BANK1: variants seen among roughly 807,000 people sequenced by gnomAD.
The protein encoded by BANK1 is B-cell scaffold protein with ankyrin repeats.
BANK1 carries 95 observed loss-of-function variants against 94.5 expected under a neutral mutation model. The ratio of observed to expected loss-of-function variants is 1.00; its 90% confidence interval spans 0.85 to 1.19. BANK1 has a LOEUF of 1.19. Among genes scored for constraint, BANK1 ranks in the 50% most tolerant of loss-of-function variants. BANK1 has a pLI of 0.00. For missense variants in BANK1, 987 were observed against 932.2 expected (o/e 1.06, Z -0.77); for synonymous variants, 334 against 308.4 (o/e 1.08, Z -0.87).
chr4:101,997,643 G>A (rs1725926224), intron 7 of BANK1, among the ~76,000 whole-genome samples: 2 of 152,098 alleles, frequency 1.3e-5, no homozygotes, highest in Non-Finnish European at 2.9e-5. Flanking sequence ...TCCTGGTTTA[G>A]TCTTGGGATG....
In BANK1 at chr4:101,922,792, T is replaced by C. The variant is rs910470563; in HGVS notation, c.1206+4603T>C. Among the ~76,000 whole-genome samples the C allele has an allele frequency of 4.0e-5, 6 of 151,856 alleles. No individual in the cohort carries two copies. The South Asian group carries it at 8.3e-4, about 21-fold the overall frequency. Reference sequence around the variant, plus strand: ...GAAGAAACTAGAATAAGTCACATAATTGCATTTGACTGCATGCATTATAAA... The same window carrying C: ...GAAGAAACTAGAATAAGTCACATAACTGCATTTGACTGCATGCATTATAAA... On this transcript the variant is annotated intron_variant, in intron 7 of 16. Transcript: ENST00000322953.
At chr4:101,893,659 T>C (rs956287083) in intron 5 of BANK1, among the ~76,000 whole-genome samples, 6 of 152,032 alleles carry the variant, frequency 3.9e-5, no homozygotes, top group African/African-American at 1.4e-4. Context: ...CCTGAAGAGA[T>C]TAAAACAGTA....
chr4:101,830,614 A>G (rs1726580696), intron 2 of BANK1, among the ~76,000 whole-genome samples: 2 of 152,224 alleles, frequency 1.3e-5, no homozygotes, highest in East Asian at 1.9e-4. Flanking sequence ...CTGGGTTACA[A>G]TTACAGAGCT....
chr4:101,816,071 C>T (rs892379199), intron 1 of BANK1, among the ~76,000 whole-genome samples: 2 of 152,122 alleles, frequency 1.3e-5, no homozygotes, highest in African/African-American at 4.8e-5. Flanking sequence ...GATGAGTTTT[C>T]TTACAACCAT....
intron 7 of BANK1, among the ~76,000 whole-genome samples, chr4:101,931,546 A>C (rs1723341898): frequency 6.6e-6 from 1 of 151,538 alleles, no homozygotes; most frequent in Admixed American, 6.6e-5. Context: ...TGCCAGCTGC[A>C]GATGTGGGGA....
intron 1 of BANK1, among the ~76,000 whole-genome samples, chr4:101,799,043 A>G (rs540741274): frequency 3.3e-4 from 51 of 152,294 alleles, no homozygotes; most frequent in Non-Finnish European, 5.9e-4. Context: ...GCCCATGCCT[A>G]TGTCCTGAAT....
At chr4:101,997,865 C>A (rs1014503436) in intron 7 of BANK1, among the ~76,000 whole-genome samples, 17 of 152,152 alleles carry the variant, frequency 1.1e-4, no homozygotes, top group East Asian at 1.9e-4. Context: ...TTTAAAAAAA[C>A]CAGCTCCTGG....
chr4:102,034,440 C>G (rs1727431157), intron 10 of BANK1, among the ~76,000 whole-genome samples: 1 of 152,086 alleles, frequency 6.6e-6, no homozygotes, highest in Admixed American at 6.5e-5. Context: ...TTTTTAATCT[C>G]TAAATGAGAT....
chr4:102,004,129 G>A (rs969803238), intron 7 of BANK1, among the ~76,000 whole-genome samples: 1 of 151,908 alleles, frequency 6.6e-6, no homozygotes, highest in African/African-American at 2.4e-5. Flanking sequence ...CCCTCCACTA[G>A]AATGAATTAC....
chr4:101,962,136 T>C (rs1445608465), intron 7 of BANK1, among the ~76,000 whole-genome samples: 1 of 152,208 alleles, frequency 6.6e-6, no homozygotes, highest in Admixed American at 6.6e-5. Context: ...TTCCTGGAGA[T>C]TGTTCTCTCA....
intron 7 of BANK1, among the ~76,000 whole-genome samples, chr4:102,001,559 C>T (rs931391913): frequency 1.3e-5 from 2 of 152,166 alleles, no homozygotes; most frequent in African/African-American, 4.8e-5. Flanking sequence ...GAGATTGTGC[C>T]ACTGCACTCC....
At chr4:101,936,328 TAC>T (rs776805805) in intron 7 of BANK1, among the ~76,000 whole-genome samples, 4 of 137,664 alleles carry the variant, frequency 2.9e-5, no homozygotes, top group African/African-American at 7.5e-5. Flanking sequence ...TATGTATCCA[TAC>T]ATATATATGT....
chr4:101,977,702 G>C lies in BANK1; in HGVS notation c.1207-43812G>C, dbSNP rs192873884. On this transcript the variant is annotated intron_variant, in intron 7 of 16. Coordinates refer to ENST00000322953, the MANE Select transcript of BANK1 (RefSeq NM_017935.5). ...ATAAGATTACATGAATTACCATCCT[G>C]AGTGAGATCCATGGTCATTCCAGCC... Among the ~76,000 whole-genome samples the C allele has an allele frequency of 6.5e-3, 989 of 152,032 alleles. 11 individuals carry two copies. The highest frequency in any genetic ancestry group is 0.022 in the African/African-American group (918 of 41,472).
Position 101,870,467 on chromosome 4 carries a change from A to G in BANK1, c.764-38A>G. The G allele has an allele frequency of 2.5e-6, 4 of 1,578,104 alleles. No homozygotes were observed. The South Asian group carries it at 3.5e-5, about 14-fold the overall frequency. On this transcript the variant is annotated intron_variant, in intron 4 of 16. Coordinates refer to ENST00000322953, the MANE Select transcript of BANK1 (RefSeq NM_017935.5). ...AGATGTAATAGTATGAATATGCATTATATACTCTGCCCCTAACCCTTGTTT... is the reference window on the plus strand; with the variant it reads ...AGATGTAATAGTATGAATATGCATTGTATACTCTGCCCCTAACCCTTGTTT...
At chr4:102,000,037 T>A (rs1466827439) in intron 7 of BANK1, among the ~76,000 whole-genome samples, 1 of 152,052 alleles carries the variant, frequency 6.6e-6, no homozygotes, top group Non-Finnish European at 1.5e-5. Context: ...ATGAAAGAGA[T>A]ACCCGGGTGC....
At chr4:101,818,936 T>A (rs1726028104) in intron 1 of BANK1, among the ~76,000 whole-genome samples, 1 of 151,766 alleles carries the variant, frequency 6.6e-6, no homozygotes, top group Non-Finnish European at 1.5e-5. Flanking sequence ...TACATATATT[T>A]TGCCTTTCCT....
intron 11 of BANK1, among the ~76,000 whole-genome samples, chr4:102,055,706 A>T (rs1317696957): frequency 6.6e-6 from 1 of 152,128 alleles, no homozygotes; most frequent in Non-Finnish European, 1.5e-5. Flanking sequence ...GAAAGAAAAG[A>T]AATTATTCAC....
intron 7 of BANK1, among the ~76,000 whole-genome samples, chr4:102,018,747 C>A (rs746754817): frequency 6.6e-6 from 1 of 151,902 alleles, no homozygotes. Flanking sequence ...ATTTTTTAAT[C>A]CAATCTCCAA....
chr4:101,859,126 A>C (rs1377013028), intron 3 of BANK1, among the ~76,000 whole-genome samples: 1 of 152,224 alleles, frequency 6.6e-6, no homozygotes. Context: ...CTTGGTAACC[A>C]ACCTTAACTT....
Sources: allele counts gnomAD v4.1 joint callset (sites outside exome capture counted in the v4.1 genomes callset), GRCh38; gene constraint gnomAD v4.1.1; transcripts MANE v1.5; gene names NCBI Gene and HGNC (gene_info 2026-07-23, HGNC 2026-07-21).